The following LIN7A variants were observed in gnomAD, a reference collection of about 807,000 sequenced individuals.
LIN7A encodes protein lin-7 homolog A.
Under a neutral mutation model 29.8 loss-of-function variants are expected in LIN7A, and 25 were observed. The ratio of observed to expected loss-of-function variants is 0.84; its 90% CI spans 0.61 to 1.17. The LOEUF is 1.17. LIN7A is among the 50% of genes most tolerant of loss of function. LIN7A has a pLI of 0.00. For synonymous variants in LIN7A, 118 were observed against 107.5 expected (o/e 1.10, Z -0.60); for missense variants, 239 against 287.0 (o/e 0.83, Z 1.21).
intron 1 of LIN7A, among the ~76,000 whole-genome samples, chr12:80,891,082 T>A (rs1297909449): frequency 6.6e-6 from 1 of 152,160 alleles, no homozygotes; most frequent in Non-Finnish European, 1.5e-5. Context: ...TCCCCTTGCA[T>A]ACAGATAGTC....
In LIN7A at chr12:80,919,186, C is replaced by T. The variant is rs142813567; in HGVS notation, c.82+18455G>A. Among the ~76,000 whole-genome samples the T allele has an allele frequency of 1.8e-4, 28 of 152,302 alleles. No homozygotes were observed. In the East Asian group the frequency reaches 3.1e-3, roughly 17 times the overall value. The stretch of plus-strand genomic sequence containing the variant: ...ACAAATAAGCACCAAAAATTAACCA[C>T]GCTACAAAAGTGCTTTCTAAGTCTG... On this transcript the variant is annotated intron_variant, in intron 1 of 5. Transcript: ENST00000552864.
intron 1 of LIN7A, among the ~76,000 whole-genome samples, chr12:80,922,833 G>A (rs547361680): frequency 7.2e-5 from 11 of 152,132 alleles, no homozygotes; most frequent in Admixed American, 2.6e-4. Flanking sequence ...ATCTCTGTCC[G>A]GGACATGAAT....
At chr12:80,886,442 A>T (rs940611036) in intron 2 of LIN7A, among the ~76,000 whole-genome samples, 1 of 152,032 alleles carries the variant, frequency 6.6e-6, no homozygotes, top group Non-Finnish European at 1.5e-5. Flanking sequence ...ATATATTGCT[A>T]CTATTATTAT....
At chr12:80,888,294 G>C (rs35067031) in intron 2 of LIN7A, among the ~76,000 whole-genome samples, 259 of 152,284 alleles carry the variant, frequency 1.7e-3, no homozygotes, top group Non-Finnish European at 2.7e-3. Context: ...TAAATCTGTA[G>C]TGAGAAGTTT....
rs569464600 is a variant in LIN7A, at chr12:80,829,447, C to G, written c.483+16283G>C. 1.8e-4 allele frequency among the ~76,000 whole-genome samples: 27 copies of G among 152,214 alleles called. No individual in the cohort carries two copies. In the South Asian group the frequency reaches 3.3e-3, roughly 19 times the overall value. On this transcript the variant is annotated intron_variant, in intron 4 of 5. Transcript: ENST00000552864. The stretch of plus-strand genomic sequence containing the variant: ...TGTTTATTTGTCGGGGCCAGCATAT[C>G]ACTTATACGGCATGGCAGATCATTC...
intron 1 of LIN7A, among the ~76,000 whole-genome samples, chr12:80,895,092 G>T (rs1006622285): frequency 2.0e-5 from 3 of 152,120 alleles, no homozygotes; most frequent in Non-Finnish European, 2.9e-5. Context: ...ATGGACCATT[G>T]TGAGCTTGGG....
chr12:80,925,845 G>C (rs370096877), intron 1 of LIN7A, among the ~76,000 whole-genome samples: 30 of 152,308 alleles, frequency 2.0e-4, no homozygotes, highest in East Asian at 1.7e-3. Context: ...GTATTTTGCT[G>C]TCCATTATCT....
chr12:80,893,544 T>G (rs1425258229), intron 1 of LIN7A, among the ~76,000 whole-genome samples: 1 of 151,912 alleles, frequency 6.6e-6, no homozygotes. Flanking sequence ...CCACAGGCCT[T>G]TCCCAGTCCT....
At chr12:80,822,763 CAG>C in intron 4 of LIN7A, among the ~76,000 whole-genome samples, 1 of 152,032 alleles carries the variant, frequency 6.6e-6, no homozygotes, top group Non-Finnish European at 1.5e-5. Flanking sequence ...AGGTGTCTCT[CAG>C]CACAAAGAGC....
chr12:80,803,928 G>A (rs867799038), intron 5 of LIN7A, among the ~76,000 whole-genome samples: 3 of 152,076 alleles, frequency 2.0e-5, no homozygotes, highest in Admixed American at 6.5e-5. Flanking sequence ...GAAAAGTAAG[G>A]GTGGCAATAT....
At chr12:80,935,207 A>C (rs578105229) in intron 1 of LIN7A, among the ~76,000 whole-genome samples, 1 of 152,204 alleles carries the variant, frequency 6.6e-6, no homozygotes, top group Non-Finnish European at 1.5e-5. Flanking sequence ...CTCTTCCCTC[A>C]CGGAGTTCTA....
intron 2 of LIN7A, among the ~76,000 whole-genome samples, chr12:80,886,721 GTCTATGGATCAGTTATAGACT>G (rs900091740): frequency 3.9e-5 from 6 of 152,034 alleles, no homozygotes; most frequent in African/African-American, 1.4e-4. Flanking sequence ...ATGTCAAACT[GTCTATGGATCAGTTATAGACT>G]TCTATGGACT....
rs1870433533 is a variant in LIN7A at position 80,796,057 on chromosome 12, T to G, written c.*1670A>C. ...GTGAAGAGCAGGGAAAACCTGGTAT[T>G]GACAATACTATCACCCAACAGGGCA... On this transcript the variant is annotated 3_prime_UTR_variant, in exon 6 of 6. Coordinates refer to ENST00000552864, the MANE Select transcript of LIN7A (RefSeq NM_004664.4). The G allele has an allele frequency of 6.6e-6, 1 of 152,208 alleles. No homozygotes were observed. The highest frequency in any genetic ancestry group is 1.5e-5 in the Non-Finnish European group (1 of 68,022). The allele number at this position is 152,208 out of a possible 1,614,324, so 9.4% of individuals were successfully genotyped here. A position where few individuals can be genotyped will look rare whatever the true frequency, so the allele number is the denominator to read the frequency against.
intron 2 of LIN7A, among the ~76,000 whole-genome samples, chr12:80,850,029 G>T (rs1873254312): frequency 1.3e-5 from 2 of 152,066 alleles, no homozygotes; most frequent in Non-Finnish European, 2.9e-5. Context: ...GTCATCAATT[G>T]AATAAAACAA....
chr12:80,813,253 C>T (rs904291878), intron 4 of LIN7A, among the ~76,000 whole-genome samples: 13 of 152,104 alleles, frequency 8.5e-5, no homozygotes, highest in African/African-American at 3.1e-4. Context: ...CCTTGTGATC[C>T]GCCCACCTCG....
chr12:80,916,506 A>G (rs1877037566), intron 1 of LIN7A, among the ~76,000 whole-genome samples: 1 of 152,126 alleles, frequency 6.6e-6, no homozygotes, highest in Non-Finnish European at 1.5e-5. Context: ...TGACTGGGCC[A>G]TGCTTCTCCA....
At chr12:80,830,162 G>A (rs191355811) in intron 4 of LIN7A, among the ~76,000 whole-genome samples, 9 of 152,056 alleles carry the variant, frequency 5.9e-5, no homozygotes, top group East Asian at 1.9e-4. Flanking sequence ...CACTGCCTCC[G>A]TTCACCTGCT....
chr12:80,916,436 C>T (rs1877033753), intron 1 of LIN7A, among the ~76,000 whole-genome samples: 1 of 152,140 alleles, frequency 6.6e-6, no homozygotes, highest in Non-Finnish European at 1.5e-5. Flanking sequence ...GAGCTCATTG[C>T]TGTTTGTCCA....
intron 5 of LIN7A, among the ~76,000 whole-genome samples, chr12:80,808,614 T>C (rs1317084649): frequency 6.6e-6 from 1 of 151,514 alleles, no homozygotes; most frequent in Non-Finnish European, 1.5e-5. Flanking sequence ...CACGCCATTC[T>C]CCTGCCTCAG....
Sources: allele counts gnomAD v4.1 joint callset (sites outside exome capture counted in the v4.1 genomes callset), GRCh38; gene constraint gnomAD v4.1.1; transcripts MANE v1.5; gene names NCBI Gene and HGNC (gene_info 2026-07-23, HGNC 2026-07-21).